Variants in SPTBN2 observed in about 807,000 individuals in gnomAD.
SPTBN2 encodes spectrin beta chain, non-erythrocytic 2.
A neutral mutation model predicts 284.2 loss-of-function variants in SPTBN2; 107 were observed. The ratio of observed to expected loss-of-function variants is 0.38; its 90% CI spans 0.32 to 0.44. The LOEUF is 0.44. Ranked by LOEUF, SPTBN2 falls within the 20% of genes least tolerant of loss-of-function variation. The probability of loss-of-function intolerance (pLI) is 1.00; values close to 1 mark genes in which losing one functional copy is unlikely to be tolerated. For synonymous variants in SPTBN2, 1,289 were observed against 1,354.8 expected, an observed-to-expected ratio of 0.95 and a Z score of 1.07; for missense variants, 2,569 against 3,287.1, an observed-to-expected ratio of 0.78 and a Z score of 5.34.
chr11:66,705,422 C>G lies in SPTBN2; in HGVS notation c.1854G>C (p.Lys618Asn), dbSNP rs1362871909. 6.2e-7 allele frequency: 1 copy of G among 1,612,908 alleles called. No individual in the cohort carries two copies. Among genetic ancestry groups the G allele is most frequent in the Non-Finnish European group, 8.5e-7 (1 of 1,180,024 alleles). The change falls in exon 15 of 38, where the codon AAG becomes AAC. Residue 618 changes from lysine to asparagine, a missense_variant. Physicochemically the swap from Lys to Asn is moderately conservative, Grantham distance 94 (BLOSUM62 0). This residue lies in a region of SPTBN2 where 1,012 missense variants were observed against 1,248.9 expected (regional missense o/e 0.81). Transcript: ENST00000533211. Reference protein sequence around the residue: ...DPQLVSERVAKLEQSYEALCE... With the variant: ...DPQLVSERVANLEQSYEALCE... ...ACAGTGCCTCATAGCTCTGCTCTAG[C>G]TTGGCCACCCGCTCCGACACCAGCT...
At position 66,691,560 on chromosome 11, in the gene SPTBN2, A is replaced by G. The variant is rs767806784; in HGVS notation, c.5289T>C (p.Ala1763=). Residue 1763 remains alanine, a synonymous_variant, in exon 27 of 38, where the codon GCT becomes GCC. Transcript: ENST00000533211. The surrounding 1 kb of genome is among the most constrained non-coding windows in gnomAD (Gnocchi z 8.0). Reference sequence around the variant, plus strand: ...CGGTGGCCCGTGCAGCATGGCCCCCAGCAATGAGCCCATTGGCCAGCGCAT... The same window carrying G: ...CGGTGGCCCGTGCAGCATGGCCCCCGGCAATGAGCCCATTGGCCAGCGCAT... ...SANALANGLI[A]GGHAARATVA... The G allele has an allele frequency of 6.2e-7, 1 of 1,613,568 alleles. No individual in the cohort carries two copies. The highest frequency in any genetic ancestry group is 1.1e-5 in the South Asian group (1 of 91,078).
At chr11:66,730,211 G>A (rs117239013), upstream of SPTBN2, among the ~76,000 whole-genome samples, 4,613 of 152,194 alleles carry the variant, frequency 0.03, 118 homozygotes, top group Non-Finnish European at 0.044. Context: ...TGGTTGGTTC[G>A]GGGGAAGGAG....
Position 66,707,654 on chromosome 11 carries a change from C to T in SPTBN2, c.1515G>A (p.Arg505=). 1 of 1,608,174 alleles carries T rather than the reference C, an allele frequency of 6.2e-7. No homozygotes were observed. The highest frequency in any genetic ancestry group is 1.1e-5 in the South Asian group (1 of 91,070). ...RYHDIKRIAA[R]QHNVARLWDF... is the part of the protein sequence containing the mutation. ...CCCAGAGCCGTGCCACGTTGTGCTGCCGAGCGGCGATGCGCTTGATGTCGT... is the reference window on the plus strand; with the variant it reads ...CCCAGAGCCGTGCCACGTTGTGCTGTCGAGCGGCGATGCGCTTGATGTCGT... Residue 505 remains arginine (R), a synonymous_variant, in exon 13 of 38, where the codon CGG becomes CGA. Transcript: ENST00000533211. The surrounding 1 kb of genome is among the most constrained non-coding windows in gnomAD (Gnocchi z 4.9).
chr11:66,709,021 TGAGGCAG>T lies in SPTBN2; in HGVS notation c.1074-9_1074-3del. ...TCCAAGTTCCCTTTCTCGGTAAACC[TGAGGCAG>T]GAGGCCGGGTTGGGGTCAGAATTAA... On this transcript the variant is annotated splice_region_variant and splice_polypyrimidine_tract_variant and intron_variant, in intron 10 of 37. Transcript: ENST00000533211. 6.2e-7 allele frequency: 1 copy of T among 1,613,528 alleles called. No homozygotes were observed. The highest frequency in any genetic ancestry group is 1.3e-5 in the African/African-American group (1 of 74,992).
Position 66,698,757 on chromosome 11 carries a change from A to G in SPTBN2, c.3896T>C (p.Leu1299Pro). Residue 1299 changes from leucine to proline, a missense_variant, in exon 20 of 38, where the codon CTG becomes CCG. Leu to Pro is a moderately conservative substitution (Grantham distance 98). Transcript: ENST00000533211. The part of the protein sequence containing the change: ...ELKLWIDEKM[L>P]TAQDVSYDEA... ...GTCATAGGACACGTCCTGGGCTGTC[A>G]GCATCTTCTCGTCGATCCAGAGCTT... 6.2e-7 allele frequency: 1 copy of G among 1,614,112 alleles called. No homozygotes were observed. Among genetic ancestry groups the G allele is most frequent in the Non-Finnish European group, 8.5e-7 (1 of 1,180,052 alleles).
Position 66,684,653 on chromosome 11 carries a change from G to T in SPTBN2, c.*1218C>A, listed in dbSNP as rs1027847879. Among the ~76,000 whole-genome samples the T allele has an allele frequency of 1.3e-5, 2 of 148,398 alleles. No homozygotes were observed. The highest frequency in any genetic ancestry group is 3.0e-5 in the Non-Finnish European group (2 of 66,978). ...CTGTCTCAAAAAAAAAAAAAAAAAA[G>T]AATATATATTATCCTCTGTGTGTAT... On this transcript the variant is annotated 3_prime_UTR_variant, in exon 38 of 38. Transcript: ENST00000533211.
At chr11:66,703,514 C>T (rs776929442) in intron 15 of SPTBN2, among the ~76,000 whole-genome samples, 27 of 152,082 alleles carry the variant, frequency 1.8e-4, no homozygotes, top group Non-Finnish European at 3.2e-4. Flanking sequence ...GGGTGGATCA[C>T]GAGGTCAGGA....
chr11:66,734,049 T>C (rs183191800), upstream of SPTBN2, among the ~76,000 whole-genome samples: 1 of 152,076 alleles, frequency 6.6e-6, no homozygotes, highest in East Asian at 1.9e-4. Context: ...CCAATTGCTG[T>C]CTTACTTCTC....
intron 3 of SPTBN2, among the ~76,000 whole-genome samples, chr11:66,716,531 A>AT (rs546063852): frequency 8.6e-4 from 131 of 152,064 alleles, no homozygotes; most frequent in African/African-American, 3.0e-3. Flanking sequence ...AGAAGAAAGG[A>AT]TGAAGACCTT....
chr11:66,710,751 C>T lies in SPTBN2; in HGVS notation c.904G>A (p.Glu302Lys), dbSNP rs1230067937. ...RIGKVLDHAM[E>K]AERLVEKYES... ...TATTTCTCCACCAGGCGCTCTGCCT[C>T]CATGGCATGGTCCAGCACCTGGGAG... is the stretch of plus-strand genomic sequence containing the variant. Residue 302 changes from glutamate (E) to lysine (K), a missense_variant, in exon 10 of 38, where the codon GAG (glutamate) becomes AAG (lysine). By Grantham distance (56) the Glu-to-Lys change is moderately conservative. Coordinates refer to ENST00000533211, the MANE Select transcript of SPTBN2 (RefSeq NM_006946.4). The surrounding 1 kb of genome is among the most constrained non-coding windows in gnomAD (Gnocchi z 4.9). The T allele has an allele frequency of 6.2e-7, 1 of 1,614,086 alleles. No homozygotes were observed. Among genetic ancestry groups the T allele is most frequent in the East Asian group, 2.2e-5 (1 of 44,886 alleles).
At chr11:66,739,138 A>G (rs895559780) in intron 1 of SPTBN2, among the ~76,000 whole-genome samples, 3 of 151,220 alleles carry the variant, frequency 2.0e-5, no homozygotes, top group Non-Finnish European at 4.4e-5. Context: ...ATGAGGTCTC[A>G]TTATGTTGTC....
At chr11:66,713,573 A>G in intron 8 of SPTBN2, 58 bp downstream of exon 8, 1 of 1,413,976 alleles carries the variant, frequency 7.1e-7, no homozygotes, top group Non-Finnish European at 1.0e-6. Flanking sequence ...CCTGGCAACC[A>G]CTGGTCCACC....
At chr11:66,686,840 C>A (rs1384725389) in intron 36 of SPTBN2, 154 bp downstream of exon 36, 1 of 979,754 alleles carries the variant, frequency 1.0e-6, no homozygotes, top group African/African-American at 1.6e-5. Context: ...CCAGAATCTC[C>A]GCCTCCCTCA....
chr11:66,730,335 G>A (rs1470168699), upstream of SPTBN2, among the ~76,000 whole-genome samples: 4 of 151,634 alleles, frequency 2.6e-5, no homozygotes, highest in African/African-American at 9.7e-5. Flanking sequence ...TGTAATCCCA[G>A]CACTTTGGGA....
At chr11:66,688,464 G>A (rs1185636593) in intron 31 of SPTBN2, among the ~76,000 whole-genome samples, 153 bp from the exon 32 acceptor site, 1 of 152,106 alleles carries the variant, frequency 6.6e-6, no homozygotes, top group East Asian at 1.9e-4. Flanking sequence ...AACAAAGCGG[G>A]AGAAGGTGTC....
Position 66,717,624 on chromosome 11 carries a change from T to A in SPTBN2, c.158-1643A>T, listed in dbSNP as rs535161966. Among the ~76,000 whole-genome samples the A allele has an allele frequency of 3.9e-5, 6 of 152,214 alleles. No individual in the cohort carries two copies. In the East Asian group the frequency reaches 9.7e-4, roughly 25 times the overall value. On this transcript the variant is annotated intron_variant, in intron 3 of 37. Transcript: ENST00000533211. ...CCTCCCGGCAGGTCTACAGGCCCCATCTGAGCCAGGAGGAGCGTGGGTCAC... is the reference window on the plus strand; with the variant it reads ...CCTCCCGGCAGGTCTACAGGCCCCAACTGAGCCAGGAGGAGCGTGGGTCAC...
chr11:66,730,167 A>T (rs536687970), upstream of SPTBN2, among the ~76,000 whole-genome samples: 33 of 152,282 alleles, frequency 2.2e-4, no homozygotes, highest in African/African-American at 7.9e-4. Context: ...CAAGGGCATA[A>T]ACTGCAACTC....
chr11:66,690,352 G>T, intron 27 of SPTBN2, 69 bp from the exon 28 acceptor site: 2 of 1,482,148 alleles, frequency 1.3e-6, no homozygotes. Flanking sequence ...CCTCAGTCCT[G>T]GCTGCCACTC....
chr11:66,685,569 T>C lies in SPTBN2; in HGVS notation c.*302A>G, dbSNP rs1229237532. ...CTCCCCACATGGCCTATGTTGAGGG[T>C]GCGGCACTGTCCACACCGTGGTGAG... On this transcript the variant is annotated 3_prime_UTR_variant, in exon 38 of 38. Coordinates refer to ENST00000533211, the MANE Select transcript of SPTBN2 (RefSeq NM_006946.4). The surrounding 1 kb of genome is among the most constrained non-coding windows in gnomAD (Gnocchi z 4.4). 1.0e-5 allele frequency: 4 copies of C among 399,960 alleles called. No individual in the cohort carries two copies. Among genetic ancestry groups the C allele is most frequent in the East Asian group, 5.6e-5 (1 of 17,850 alleles). The allele number at this position is 399,960 out of a possible 1,614,324, so 24.8% of individuals were successfully genotyped here.
Sources: gnomAD v4.1 joint callset for allele counts (sites outside exome capture counted in the v4.1 genomes callset) on GRCh38, gnomAD v4.1.1 for gene constraint, gnomAD v4.1.1 regional missense constraint, Gnocchi (gnomAD v3.1) non-coding constraint, MANE v1.5 for transcripts, NCBI Gene and HGNC (gene_info 2026-07-23, HGNC 2026-07-21) for gene names.